Variants in SURF6 observed in about 807,000 individuals in gnomAD.
SURF6 encodes surfeit 6.
SURF6 carries 28 observed loss-of-function variants against 37.5 expected under a neutral mutation model. That is an observed-to-expected ratio of 0.75 (90% confidence interval 0.55 to 1.02). SURF6 has a LOEUF of 1.02. SURF6 is among the 50% of genes least tolerant of loss of function. The probability of loss-of-function intolerance (pLI) is 0.00; values close to 1 mark genes in which losing one functional copy is unlikely to be tolerated. For synonymous variants in SURF6, 248 were observed against 210.9 expected, an observed-to-expected ratio of 1.18 and a Z score of -1.52; for missense variants, 560 against 490.5, an observed-to-expected ratio of 1.14 and a Z score of -1.34.
At position 133,331,818 on chromosome 9, in the gene SURF6, G is replaced by A; in HGVS notation, c.*51C>T. On this transcript the variant is annotated 3_prime_UTR_variant, in exon 5 of 5. Transcript: ENST00000372022. ...AGAGCCAGCGTCAAGGACTCAGAGG[G>A]TGTCCTGGAGTCTCCTAGGACGGAA... 1 of 1,483,436 alleles carries A rather than the reference G, an allele frequency of 6.7e-7. No homozygotes were observed. The highest frequency in any genetic ancestry group is 8.9e-7 in the Non-Finnish European group (1 of 1,127,058). The allele number at this position is 1,483,436 out of a possible 1,614,324, so 91.9% of individuals were successfully genotyped here.
chr9:133,335,760 CGGCTACTCGGGAGGCTGA>C (rs1185650343), intron 1 of SURF6, among the ~76,000 whole-genome samples: 3 of 151,724 alleles, frequency 2.0e-5, no homozygotes, highest in South Asian at 4.2e-4. Flanking sequence ...CCTGTAGTGC[CGGCTACTCGGGAGGCTGA>C]GGCAGGAGAA....
chr9:133,336,185 T>C lies in SURF6; in HGVS notation c.-53A>G. On this transcript the variant is annotated 5_prime_UTR_variant, in exon 1 of 5. Coordinates refer to ENST00000372022, the MANE Select transcript of SURF6 (RefSeq NM_006753.6). The stretch of plus-strand genomic sequence containing the variant: ...ACACCTTCCCCGCTGCGCGTGCGAC[T>C]CTCACCACCTCCGCCGGAAACCACC... 6.7e-7 allele frequency: 1 copy of C among 1,490,058 alleles called. No individual in the cohort carries two copies. The highest frequency in any genetic ancestry group is 9.2e-7 in the Non-Finnish European group (1 of 1,086,858). 92.3% of individuals were successfully genotyped at this position (1,490,058 alleles called of 1,614,324 possible). A position where few individuals can be genotyped will look rare whatever the true frequency, so the allele number is the denominator to read the frequency against.
At chr9:133,334,293 C>T (rs1835818119) in intron 2 of SURF6, 99 bp downstream of exon 2, 3 of 1,158,966 alleles carry the variant, frequency 2.6e-6, no homozygotes, top group Non-Finnish European at 3.6e-6. Context: ...CCCTGTGCGC[C>T]TGCTGCTGCT....
rs1835709708 is a variant in SURF6 at position 133,330,918 on chromosome 9, T to C, written c.*951A>G. On this transcript the variant is annotated 3_prime_UTR_variant, in exon 5 of 5. Transcript: ENST00000372022. The stretch of plus-strand genomic sequence containing the variant: ...AAGCTCATGCTCACCTCACATCCTA[T>C]CTTTCACAGGGCTTTTTCATCAGTT... The C allele has an allele frequency of 1.3e-5, 2 of 152,342 alleles. No homozygotes were observed. Among genetic ancestry groups the C allele is most frequent in the South Asian group, 2.1e-4 (1 of 4,832 alleles). 9.4% of individuals were successfully genotyped at this position (152,342 alleles called of 1,614,324 possible).
rs1196838535 is a variant in SURF6, at chr9:133,329,912, TTC to T, written c.*1955_*1956del. 9 of 152,210 alleles carry T rather than the reference TTC, an allele frequency of 5.9e-5. No individual in the cohort carries two copies. Among genetic ancestry groups the T allele is most frequent in the African/African-American group, 1.9e-4 (8 of 41,458 alleles). The allele number at this position is 152,210 out of a possible 1,614,324, so 9.4% of individuals were successfully genotyped here. On this transcript the variant is annotated 3_prime_UTR_variant, in exon 5 of 5. Coordinates refer to ENST00000372022, the MANE Select transcript of SURF6 (RefSeq NM_006753.6). ...ACGAATGAAGTGTTCTCTCAATTGA[TTC>T]TGTTAGAATTTGTCTACGTCTGGAA...
In SURF6 at chr9:133,332,170, T is replaced by C. The variant is rs1279633190; in HGVS notation, c.785A>G (p.Gln262Arg). The C allele has an allele frequency of 1.2e-6, 2 of 1,610,346 alleles. No homozygotes were observed. The highest frequency in any genetic ancestry group is 2.7e-5 in the African/African-American group (2 of 74,944). Residue 262 changes from glutamine (Q) to arginine (R), a missense_variant, in exon 5 of 5, where the codon CAG becomes CGG. Transcript: ENST00000372022. ...ELRGQDEGKA[Q>R]ELEAKMKWTN... ...CCACTTCATCTTCGCCTCCAGCTCC[T>C]GCGCCTTCCCCTCATCCTGGCCGCG...
In SURF6 at chr9:133,331,809, A is replaced by T. The variant is rs1366373532; in HGVS notation, c.*60T>A. On this transcript the variant is annotated 3_prime_UTR_variant, in exon 5 of 5. Coordinates refer to ENST00000372022, the MANE Select transcript of SURF6 (RefSeq NM_006753.6). ...TCCTGGGACAGAGCCAGCGTCAAGG[A>T]CTCAGAGGGTGTCCTGGAGTCTCCT... 37 of 1,479,604 alleles carry T rather than the reference A, an allele frequency of 2.5e-5. No homozygotes were observed. Among genetic ancestry groups the T allele is most frequent in the Non-Finnish European group, 3.3e-5 (37 of 1,125,340 alleles). The allele number at this position is 1,479,604 out of a possible 1,614,324, so 91.7% of individuals were successfully genotyped here.
Position 133,329,932 on chromosome 9 carries a change from G to T in SURF6, c.*1937C>A, listed in dbSNP as rs2129904462. On this transcript the variant is annotated 3_prime_UTR_variant, in exon 5 of 5. Transcript: ENST00000372022. Reference sequence around the variant, plus strand: ...ATTGATTCTGTTAGAATTTGTCTACGTCTGGAATTACCTGTTCTCTATATC... The same window carrying T: ...ATTGATTCTGTTAGAATTTGTCTACTTCTGGAATTACCTGTTCTCTATATC... 2 of 152,094 alleles carry T rather than the reference G, an allele frequency of 1.3e-5. No individual in the cohort carries two copies. Among genetic ancestry groups the T allele is most frequent in the African/African-American group, 4.8e-5 (2 of 41,400 alleles). 9.4% of individuals were successfully genotyped at this position (152,094 alleles called of 1,614,324 possible).
Position 133,332,674 on chromosome 9 carries a change from C to T in SURF6, c.480G>A (p.Lys160=), listed in dbSNP as rs1245673836. 4.3e-6 allele frequency: 7 copies of T among 1,612,406 alleles called. No individual in the cohort carries two copies. The African/African-American group carries it at 9.3e-5, about 21-fold the overall frequency. ...TGGCCTTCTCTTTCGCCCGCAGCTC[C>T]TTTCGCTTCCTCTTCTTCCGGTCCC... ...QERDRKKRKR[K]ELRAKEKARK... The change falls in exon 4 of 5, where the codon AAG becomes AAA. Residue 160 remains lysine, a synonymous_variant. Coordinates refer to ENST00000372022, the MANE Select transcript of SURF6 (RefSeq NM_006753.6).
chr9:133,331,588 A>C lies in SURF6; in HGVS notation c.*281T>G. The C allele has an allele frequency of 5.3e-6, 2 of 378,488 alleles. No homozygotes were observed. Among genetic ancestry groups the C allele is most frequent in the Admixed American group, 4.6e-5 (1 of 21,862 alleles). The allele number at this position is 378,488 out of a possible 1,614,324, so 23.4% of individuals were successfully genotyped here. ...TCCCTGACCCTGCAAACCTCGGGGA[A>C]GCTTTCAGGCCCGGGAAAGCAGACC... On this transcript the variant is annotated 3_prime_UTR_variant, in exon 5 of 5. Coordinates refer to ENST00000372022, the MANE Select transcript of SURF6 (RefSeq NM_006753.6).
intron 1 of SURF6, 23 bp from the exon 2 acceptor site, chr9:133,334,624 G>A (rs1402192685): frequency 3.1e-6 from 5 of 1,601,860 alleles, no homozygotes; most frequent in Non-Finnish European, 3.4e-6. Flanking sequence ...ATAAGAAAGA[G>A]TTAAGTCCCA....
At position 133,329,899 on chromosome 9, in the gene SURF6, T is replaced by TTC. The variant is rs1835683311; in HGVS notation, c.*1968_*1969dup. 1 of 152,210 alleles carries TTC rather than the reference T, an allele frequency of 6.6e-6. No individual in the cohort carries two copies. Among genetic ancestry groups the TTC allele is most frequent in the Non-Finnish European group, 1.5e-5 (1 of 68,048 alleles). The allele number at this position is 152,210 out of a possible 1,614,324, so 9.4% of individuals were successfully genotyped here. ...CAAAGCTAAGTTCACGAATGAAGTG[T>TTC]TCTCTCAATTGATTCTGTTAGAATT... On this transcript the variant is annotated 3_prime_UTR_variant, in exon 5 of 5. Coordinates refer to ENST00000372022, the MANE Select transcript of SURF6 (RefSeq NM_006753.6).
In SURF6 at chr9:133,329,439, G is replaced by A. The variant is rs587661118; in HGVS notation, c.*2430C>T. 3.5e-6 allele frequency: 1 copy of A among 289,818 alleles called. No homozygotes were observed. Among genetic ancestry groups the A allele is most frequent in the Admixed American group, 3.7e-5 (1 of 27,370 alleles). The allele number at this position is 289,818 out of a possible 1,614,324, so 18.0% of individuals were successfully genotyped here. On this transcript the variant is annotated 3_prime_UTR_variant, in exon 5 of 5. Coordinates refer to ENST00000372022, the MANE Select transcript of SURF6 (RefSeq NM_006753.6). Reference sequence around the variant, plus strand: ...CCCGGTCTGCTAAGTAGCGGGTGTTGTTCCTTGATACTTTTTGCTACTGCT... The same window carrying A: ...CCCGGTCTGCTAAGTAGCGGGTGTTATTCCTTGATACTTTTTGCTACTGCT...
rs200287750 is a variant in SURF6 at position 133,332,266 on chromosome 9, G to A, written c.689C>T (p.Pro230Leu). Residue 230 changes from proline (P) to leucine (L), a missense_variant, in exon 5 of 5, where the codon CCG (proline) becomes CTG (leucine). Pro to Leu is a moderately conservative substitution (Grantham distance 98). Transcript: ENST00000372022. ...KRQRVKGNLTPLTGRNYRQLL... is the reference protein window; with the variant it reads ...KRQRVKGNLTLLTGRNYRQLL... ...CTGCCGGTAGTTCCTCCCGGTCAGC[G>A]GCGTGAGGTTCCCCTTCACCCTCTG... The A allele has an allele frequency of 8.7e-6, 14 of 1,603,058 alleles. No homozygotes were observed. Among genetic ancestry groups the A allele is most frequent in the African/African-American group, 4.0e-5 (3 of 75,040 alleles).
rs1246157802 is a variant in SURF6, at chr9:133,334,526, T to C, written c.170A>G (p.Lys57Arg). Reference sequence around the variant, plus strand: ...GTGCTCAGCAGCCTTCTCTTCTCGCTTCCGGAATTTCTTTTGTGTTTTCTT... The same window carrying C: ...GTGCTCAGCAGCCTTCTCTTCTCGCCTCCGGAATTTCTTTTGTGTTTTCTT... ...KRKKTQKKFRKREEKAAEHKA... is the reference protein window; with the variant it reads ...KRKKTQKKFRRREEKAAEHKA... The change falls in exon 2 of 5, where the codon AAG becomes AGG. Residue 57 changes from lysine (K) to arginine (R), a missense_variant. Transcript: ENST00000372022. 3.7e-6 allele frequency: 6 copies of C among 1,613,868 alleles called. No individual in the cohort carries two copies. The highest frequency in any genetic ancestry group is 4.2e-6 in the Non-Finnish European group (5 of 1,180,038).
At chr9:133,333,031 A>C in intron 3 of SURF6, 1 of 527,492 alleles carries the variant, frequency 1.9e-6, no homozygotes, top group Non-Finnish European at 3.4e-6. Context: ...TTCAAATGTC[A>C]TACATCGTTT....
chr9:133,334,745 A>T, intron 1 of SURF6, 144 bp from the exon 2 acceptor site: 1 of 943,112 alleles, frequency 1.1e-6, no homozygotes, highest in Non-Finnish European at 1.6e-6. Context: ...TAGAGCTCAG[A>T]ACCACAACCT....
At position 133,336,068 on chromosome 9, in the gene SURF6, G is replaced by C. The variant is rs2129933827; in HGVS notation, c.65C>G (p.Ser22Trp). Reference protein sequence around the residue: ...QSLAKKICSHSAPEQQARTRA... With the variant: ...QSLAKKICSHWAPEQQARTRA... ...CGTGCGCGCCTGCTGTTCCGGGGCC[G>C]AATGGGAGCAGATCTTCTTGGCCAG... Residue 22 changes from serine (S) to tryptophan (W), a missense_variant, in exon 1 of 5, where the codon TCG (serine) becomes TGG (tryptophan). Transcript: ENST00000372022. 6.2e-7 allele frequency: 1 copy of C among 1,612,504 alleles called. No individual in the cohort carries two copies. Among genetic ancestry groups the C allele is most frequent in the Admixed American group, 1.7e-5 (1 of 60,008 alleles).
At chr9:133,334,325 G>A (rs1835818686) in intron 2 of SURF6, 67 bp downstream of exon 2, 1 of 1,466,624 alleles carries the variant, frequency 6.8e-7, no homozygotes, top group African/African-American at 1.4e-5. Context: ...AAGAGCAAAG[G>A]GGACCAAGCC....
Sources: allele counts gnomAD v4.1 joint callset (sites outside exome capture counted in the v4.1 genomes callset), GRCh38; gene constraint gnomAD v4.1.1; transcripts MANE v1.5; gene names NCBI Gene and HGNC (gene_info 2026-07-23, HGNC 2026-07-21).